The following NDUFA10 variants were observed in gnomAD, a reference collection of about 807,000 sequenced individuals.
The protein encoded by NDUFA10 is NADH:ubiquinone oxidoreductase subunit A10.
In NDUFA10, 40 loss-of-function variants were observed where a neutral mutation model predicts 47.8. The ratio of observed to expected loss-of-function variants is 0.84; its 90% CI spans 0.65 to 1.09. The LOEUF (loss-of-function observed/expected upper bound fraction) is 1.09, where lower values mean the gene tolerates loss of function less well. Ranked by LOEUF, NDUFA10 falls within the 50% of genes least tolerant of loss-of-function variation. NDUFA10 has a pLI of 0.00. For missense variants in NDUFA10, 413 were observed against 451.1 expected (o/e 0.92, Z 0.76); for synonymous variants, 183 against 172.2 (o/e 1.06, Z -0.49).
At chr2:239,936,303 G>A (rs567377279) in intron 4 of NDUFA10, among the ~76,000 whole-genome samples, 14 of 152,212 alleles carry the variant, frequency 9.2e-5, no homozygotes, top group African/African-American at 1.4e-4. Flanking sequence ...TGGTAGAGGC[G>A]GCAGTGTCCC....
intron 4 of NDUFA10, among the ~76,000 whole-genome samples, chr2:239,897,710 C>T (rs1693423236): frequency 6.6e-6 from 1 of 152,216 alleles, no homozygotes; most frequent in Admixed American, 6.5e-5. Context: ...TCTTACCTAA[C>T]TGCCTGTCCC....
At chr2:239,999,207 CAAT>C (rs1254579318) in intron 8 of NDUFA10, among the ~76,000 whole-genome samples, 1 of 152,232 alleles carries the variant, frequency 6.6e-6, no homozygotes, top group African/African-American at 2.4e-5. Context: ...CATCACCGCA[CAAT>C]GACATGGTGG....
downstream of NDUFA10, among the ~76,000 whole-genome samples, chr2:239,952,581 C>T (rs915016581): frequency 6.6e-6 from 1 of 152,200 alleles, no homozygotes; most frequent in Admixed American, 6.5e-5. Flanking sequence ...TGAACTTCCA[C>T]GATGGACAAA....
intron 4 of NDUFA10, among the ~76,000 whole-genome samples, chr2:240,017,064 G>A (rs992761988): frequency 2.0e-5 from 3 of 151,934 alleles, no homozygotes; most frequent in African/African-American, 4.8e-5. Flanking sequence ...TGCTGTGCAC[G>A]CCTGTCCCAC....
intron 4 of NDUFA10, among the ~76,000 whole-genome samples, chr2:239,914,469 A>G (rs1693808556): frequency 6.8e-6 from 1 of 146,328 alleles, no homozygotes; most frequent in Non-Finnish European, 1.5e-5. Context: ...ACACACACAG[A>G]CACACACAAA....
chr2:240,003,271 C>T (rs6437228), intron 8 of NDUFA10, among the ~76,000 whole-genome samples: 106,103 of 152,100 alleles, frequency 0.7, 37,357 homozygotes, highest in African/African-American at 0.79. Flanking sequence ...TCCCATCAGG[C>T]AGAGAAAGAA....
intron 1 of NDUFA10, among the ~76,000 whole-genome samples, chr2:240,022,648 GTGGATGGA>G (rs200230695): frequency 6.6e-6 from 1 of 151,800 alleles, no homozygotes; most frequent in African/African-American, 2.4e-5. Flanking sequence ...GGAGGGAGGG[GTGGATGGA>G]TGGATGGATG....
At chr2:239,910,625 G>A (rs964825935) in intron 4 of NDUFA10, among the ~76,000 whole-genome samples, 1 of 152,030 alleles carries the variant, frequency 6.6e-6, no homozygotes, top group African/African-American at 2.4e-5. Context: ...TTAGTACCTG[G>A]GTGATGGGAT....
chr2:239,971,485 T>C (rs1695303849), intron 9 of NDUFA10, among the ~76,000 whole-genome samples: 1 of 152,240 alleles, frequency 6.6e-6, no homozygotes, highest in Admixed American at 6.5e-5. Flanking sequence ...TGACTTTTCT[T>C]TGGTACTCAT....
chr2:239,956,679 G>A (rs1053737919), downstream of NDUFA10, among the ~76,000 whole-genome samples: 5 of 152,182 alleles, frequency 3.3e-5, no homozygotes, highest in South Asian at 2.1e-4. Flanking sequence ...CTTTCTGTTC[G>A]TGCTTCCTAA....
At chr2:239,950,292 A>T (rs1694529659) in intron 4 of NDUFA10, among the ~76,000 whole-genome samples, 1 of 152,114 alleles carries the variant, frequency 6.6e-6, no homozygotes, top group South Asian at 2.1e-4. Context: ...TTCCTCAGGG[A>T]TCCCTCAGGC....
At chr2:239,988,352 C>T (rs189931899) in intron 9 of NDUFA10, among the ~76,000 whole-genome samples, 38 of 152,272 alleles carry the variant, frequency 2.5e-4, no homozygotes, top group South Asian at 4.1e-4. Flanking sequence ...TAAATTGGTA[C>T]GCATCTAATC....
Position 239,960,422 on chromosome 2 carries a change from T to G in NDUFA10, c.*696A>C. On this transcript the variant is annotated 3_prime_UTR_variant, in exon 10 of 10. Transcript: ENST00000252711. ...TTTGCATCTTATGTCATCAACAGCC[T>G]AAGCTCAAATCTCCCTTCAAAGGAG... 1 of 987,240 alleles carries G rather than the reference T, an allele frequency of 1.0e-6. No homozygotes were observed. Among genetic ancestry groups the G allele is most frequent in the Non-Finnish European group, 1.2e-6 (1 of 831,084 alleles). The allele number at this position is 987,240 out of a possible 1,614,324, so 61.2% of individuals were successfully genotyped here. A position where few individuals can be genotyped will look rare whatever the true frequency, so the allele number is the denominator to read the frequency against.
rs139434304 is a variant in NDUFA10, at chr2:239,950,170, C to T, written c.294+39904G>A. On this transcript the variant is annotated intron_variant, in intron 4 of 5. Coordinates refer to the NDUFA10 transcript ENST00000419408. The stretch of plus-strand genomic sequence containing the variant: ...AGGTTTCCAGTCCTTATAGCCCCTC[C>T]GCCCCATGCTGTGTGGCTTTGGTCC... Among the ~76,000 whole-genome samples, 352 of 152,290 alleles carry T rather than the reference C, an allele frequency of 2.3e-3. 2 individuals are homozygous for T. The highest frequency in any genetic ancestry group is 7.3e-3 in the South Asian group (35 of 4,820).
Position 239,928,476 on chromosome 2 carries a change from A to G in NDUFA10, c.295-33162T>C, listed in dbSNP as rs1015609706. 6.6e-6 allele frequency among the ~76,000 whole-genome samples: 1 copy of G among 152,144 alleles called. No individual in the cohort carries two copies. The highest frequency in any genetic ancestry group is 2.4e-5 in the African/African-American group (1 of 41,432). ...GTGAAGTCAGTTCCTCATGGCAGGA[A>G]ATCCCCCGAATCCACGCCAGACTCC... On this transcript the variant is annotated intron_variant, in intron 4 of 5. Transcript: ENST00000419408. The surrounding 1 kb of genome is among the most constrained non-coding windows in gnomAD (Gnocchi z 4.3).
intron 9 of NDUFA10, among the ~76,000 whole-genome samples, chr2:239,972,088 G>A (rs185713794): frequency 7.9e-5 from 12 of 151,710 alleles, no homozygotes; most frequent in African/African-American, 1.2e-4. Context: ...GTCACCTCAG[G>A]GACATTCAAG....
chr2:239,948,414 G>T (rs1254442179), intron 4 of NDUFA10, among the ~76,000 whole-genome samples: 1 of 152,236 alleles, frequency 6.6e-6, no homozygotes, highest in African/African-American at 2.4e-5. Flanking sequence ...CACAGCCTCC[G>T]CTCCATGAGT....
At chr2:239,996,807 G>A (rs369586681) in intron 8 of NDUFA10, among the ~76,000 whole-genome samples, 2 of 144,122 alleles carry the variant, frequency 1.4e-5, no homozygotes, top group Non-Finnish European at 3.0e-5. Flanking sequence ...GAGTTTTTTT[G>A]CCTTTTTTTT....
chr2:240,014,531 G>T, intron 5 of NDUFA10: 1 of 692,476 alleles, frequency 1.4e-6, no homozygotes, highest in Non-Finnish European at 2.4e-6. Flanking sequence ...ACTGGTGGGC[G>T]GCAGGCCCGC....
Sources: allele counts gnomAD v4.1 joint callset (sites outside exome capture counted in the v4.1 genomes callset), GRCh38; gene constraint gnomAD v4.1.1; non-coding constraint Gnocchi (gnomAD v3.1); transcripts MANE v1.5; gene names NCBI Gene and HGNC (gene_info 2026-07-23, HGNC 2026-07-21).